The following KREMEN1 variants were observed in gnomAD, a reference collection of about 807,000 sequenced individuals.
The protein encoded by KREMEN1 is kremen protein 1.
Under a neutral mutation model 46.5 loss-of-function variants are expected in KREMEN1, and 30 were observed. That is an observed-to-expected ratio of 0.65 (90% CI 0.48 to 0.88). The LOEUF (loss-of-function observed/expected upper bound fraction) is 0.88, where lower values mean the gene tolerates loss of function less well. Among genes scored for constraint, KREMEN1 ranks in the 40% least tolerant of loss-of-function variants. KREMEN1 has a pLI of 0.00. For synonymous variants in KREMEN1, 214 were observed against 230.6 expected, an observed-to-expected ratio of 0.93 and a Z score of 0.65; for missense variants, 533 against 596.9, an observed-to-expected ratio of 0.89 and a Z score of 1.11.
At chr22:29,108,310 T>C (rs560969447) in intron 3 of KREMEN1, among the ~76,000 whole-genome samples, 2 of 152,312 alleles carry the variant, frequency 1.3e-5, no homozygotes, top group Non-Finnish European at 2.9e-5. Flanking sequence ...TCTTTCTTGA[T>C]GCCATGAAGT....
In KREMEN1 at chr22:29,138,718, C is replaced by T. The variant is rs745969804; in HGVS notation, c.1059C>T (p.Ala353=). 89 of 1,614,104 alleles carry T rather than the reference C, an allele frequency of 5.5e-5. No homozygotes were observed. The highest frequency in any genetic ancestry group is 7.4e-5 in the Non-Finnish European group (87 of 1,180,054). The change falls in exon 7 of 9, where the codon GCC becomes GCT. Residue 353 remains alanine, a synonymous_variant. Coordinates refer to ENST00000400335, the MANE Select transcript of KREMEN1 (RefSeq NM_001039570.3). Reference sequence around the variant, plus strand: ...AGGCCAACCTCAGTGTCAGCGCTGCCCGGTCCTCCAAAGTCCTCTATGTCA... The same window carrying T: ...AGGCCAACCTCAGTGTCAGCGCTGCTCGGTCCTCCAAAGTCCTCTATGTCA... ...TEQANLSVSA[A]RSSKVLYVIT...
chr22:29,144,553 T>C lies in KREMEN1; in HGVS notation c.*2441T>C, dbSNP rs963611136. The C allele has an allele frequency of 1.6e-5, 16 of 985,534 alleles. No individual in the cohort carries two copies. The African/African-American group carries it at 2.6e-4, about 16-fold the overall frequency. The allele number at this position is 985,534 out of a possible 1,614,324, so 61.0% of individuals were successfully genotyped here. The stretch of plus-strand genomic sequence containing the variant: ...TCACACAGGAGGACCGCTGGAAACA[T>C]ACCAACACGTGCAGTCTCCCCTCCA... On this transcript the variant is annotated 3_prime_UTR_variant, in exon 9 of 9. Transcript: ENST00000400335.
intron 1 of KREMEN1, among the ~76,000 whole-genome samples, chr22:29,079,221 T>G (rs134608): frequency 5.3e-5 from 8 of 152,062 alleles, no homozygotes; most frequent in Admixed American, 2.0e-4. Context: ...TTCCTTCCCC[T>G]CCTTTTAAAT....
chr22:29,075,748 G>A (rs984270831), intron 1 of KREMEN1, among the ~76,000 whole-genome samples: 10 of 151,928 alleles, frequency 6.6e-5, no homozygotes, highest in African/African-American at 2.2e-4. Context: ...TTACTCTGAG[G>A]ATATGCCAAA....
At chr22:29,161,543 G>T in intron 9 of KREMEN1, among the ~76,000 whole-genome samples, 1 of 147,528 alleles carries the variant, frequency 6.8e-6, no homozygotes, top group Non-Finnish European at 1.5e-5. Context: ...ATATTGAATT[G>T]GTACTAAAAA....
chr22:29,159,124 GTTTTTTTTTT>G (rs1162443966), intron 9 of KREMEN1, among the ~76,000 whole-genome samples: 1 of 35,328 alleles, frequency 2.8e-5, no homozygotes, highest in Admixed American at 2.7e-4. Context: ...CCAGCCAAGT[GTTTTTTTTTT>G]TTTTTTTTTT....
At chr22:29,156,249 C>T (rs1301198113) in intron 9 of KREMEN1, among the ~76,000 whole-genome samples, 2 of 152,264 alleles carry the variant, frequency 1.3e-5, no homozygotes. Flanking sequence ...CTCCCAGAAG[C>T]TTTGGGCCAG....
chr22:29,138,589 G>A, intron 6 of KREMEN1, 35 bp from the exon 7 acceptor site: 1 of 1,593,514 alleles, frequency 6.3e-7, no homozygotes, highest in East Asian at 2.2e-5. Context: ...TGTCTCCATA[G>A]CCCTGTCCCC....
rs569874426 is a variant in KREMEN1, at chr22:29,109,601, T to A, written c.352+10648T>A. On this transcript the variant is annotated intron_variant, in intron 3 of 8. Transcript: ENST00000400335. ...GAGTGTGTGGGTTGGGATCCAGGCT[T>A]CCTGAGTAGAGGAGTGGACAAAAAG... Among the ~76,000 whole-genome samples, 7 of 152,236 alleles carry A rather than the reference T, an allele frequency of 4.6e-5. No homozygotes were observed. The East Asian group carries it at 1.4e-3, about 29-fold the overall frequency.
intron 1 of KREMEN1, among the ~76,000 whole-genome samples, chr22:29,079,224 T>C (rs1447607574): frequency 2.0e-5 from 3 of 152,104 alleles, no homozygotes; most frequent in Admixed American, 2.0e-4. Flanking sequence ...CTTCCCCTCC[T>C]TTTAAATTCT....
At chr22:29,077,978 G>C (rs1455519020) in intron 1 of KREMEN1, among the ~76,000 whole-genome samples, 1 of 152,158 alleles carries the variant, frequency 6.6e-6, no homozygotes, top group Non-Finnish European at 1.5e-5. Flanking sequence ...TAGACCAGGT[G>C]CAGTGGCTCA....
At chr22:29,162,906 A>G (rs2039023584) in intron 9 of KREMEN1, among the ~76,000 whole-genome samples, 1 of 152,168 alleles carries the variant, frequency 6.6e-6, no homozygotes, top group Non-Finnish European at 1.5e-5. Context: ...GTACATATAC[A>G]TTGTGGAATA....
At chr22:29,155,347 C>A (rs2038952217) in intron 9 of KREMEN1, among the ~76,000 whole-genome samples, 1 of 152,104 alleles carries the variant, frequency 6.6e-6, no homozygotes, top group Non-Finnish European at 1.5e-5. Context: ...CCAGCCTGGG[C>A]AACATGGCAA....
chr22:29,101,311 A>G (rs944651109), intron 3 of KREMEN1, among the ~76,000 whole-genome samples: 5 of 152,054 alleles, frequency 3.3e-5, no homozygotes, highest in Non-Finnish European at 5.9e-5. Flanking sequence ...GTACAGCTAT[A>G]CAATGTGTTT....
intron 5 of KREMEN1, among the ~76,000 whole-genome samples, chr22:29,132,228 T>C (rs1179423076): frequency 6.6e-6 from 1 of 152,174 alleles, no homozygotes; most frequent in Non-Finnish European, 1.5e-5. Flanking sequence ...TTTTTTTCCT[T>C]TTTATTGCTA....
intron 3 of KREMEN1, among the ~76,000 whole-genome samples, chr22:29,120,979 G>A (rs2038346988): frequency 6.6e-6 from 1 of 152,164 alleles, no homozygotes; most frequent in Non-Finnish European, 1.5e-5. Flanking sequence ...ATGGGCTTCT[G>A]AGAGGGCTTT....
intron 6 of KREMEN1, 141 bp from the exon 7 acceptor site, chr22:29,138,483 T>C (rs1046078121): frequency 7.6e-5 from 60 of 789,400 alleles, no homozygotes; most frequent in Non-Finnish European, 9.1e-5. Context: ...GTTTTGGGGC[T>C]GGTGGGACCC....
At chr22:29,087,033 G>A (rs1003607086) in intron 1 of KREMEN1, among the ~76,000 whole-genome samples, 2 of 152,056 alleles carry the variant, frequency 1.3e-5, no homozygotes, top group African/African-American at 2.4e-5. Context: ...AAAGTTCTGG[G>A]ATTACAGGCA....
At chr22:29,083,589 T>C (rs1479369341) in intron 1 of KREMEN1, among the ~76,000 whole-genome samples, 1 of 152,150 alleles carries the variant, frequency 6.6e-6, no homozygotes, top group African/African-American at 2.4e-5. Context: ...CCCAACACTT[T>C]GGGAGGCTGA....
Sources: allele counts gnomAD v4.1 joint callset (sites outside exome capture counted in the v4.1 genomes callset), GRCh38; gene constraint gnomAD v4.1.1; transcripts MANE v1.5; gene names NCBI Gene and HGNC (gene_info 2026-07-23, HGNC 2026-07-21).